VPS13B: variants seen among roughly 807,000 people sequenced by gnomAD.
The protein encoded by VPS13B is vacuolar protein sorting 13 homolog B.
In VPS13B, 285 loss-of-function variants were observed where a neutral mutation model predicts 426.4. The ratio of observed to expected loss-of-function variants is 0.67; its 90% CI spans 0.61 to 0.74. The LOEUF (loss-of-function observed/expected upper bound fraction) is 0.74, where lower values mean the gene tolerates loss of function less well. Ranked by LOEUF, VPS13B falls within the 30% of genes least tolerant of loss-of-function variation. The pLI, the probability that VPS13B is intolerant of heterozygous loss-of-function variation, is 0.00. For missense variants in VPS13B, 4,537 were observed against 4,782.6 expected, an observed-to-expected ratio of 0.95 and a Z score of 1.51; for synonymous variants, 1,676 against 1,676.4, an observed-to-expected ratio of 1.00 and a Z score of 0.01.
At chr8:99,583,816 G>A (rs1219027666) in intron 33 of VPS13B, among the ~76,000 whole-genome samples, 4 of 152,132 alleles carry the variant, frequency 2.6e-5, no homozygotes, top group Admixed American at 2.0e-4. Context: ...GGGGGTTTGA[G>A]AGAGGAAACT....
At chr8:99,798,387 T>A (rs981653526) in intron 43 of VPS13B, among the ~76,000 whole-genome samples, 2 of 152,254 alleles carry the variant, frequency 1.3e-5, no homozygotes, top group Middle Eastern at 3.4e-3. Context: ...ATTTTTTTCA[T>A]TTTCTGTTGG....
intron 3 of VPS13B, among the ~76,000 whole-genome samples, chr8:99,089,291 C>CT (rs771458999): frequency 6.6e-6 from 1 of 152,034 alleles, no homozygotes; most frequent in African/African-American, 2.4e-5. Flanking sequence ...CTGTTTGTCT[C>CT]TTTTTCATCC....
At chr8:99,677,742 T>A (rs955949504) in intron 35 of VPS13B, among the ~76,000 whole-genome samples, 1 of 151,968 alleles carries the variant, frequency 6.6e-6, no homozygotes, top group African/African-American at 2.4e-5. Context: ...TCATTTAGAT[T>A]TTTTTTTATT....
chr8:99,497,793 T>C (rs1473903771), intron 25 of VPS13B, among the ~76,000 whole-genome samples: 1 of 152,152 alleles, frequency 6.6e-6, no homozygotes, highest in Non-Finnish European at 1.5e-5. Flanking sequence ...TATATTTAGT[T>C]TGAATTTACT....
intron 19 of VPS13B, among the ~76,000 whole-genome samples, chr8:99,335,750 A>C (rs530423293): frequency 3.9e-5 from 6 of 152,256 alleles, no homozygotes; most frequent in Non-Finnish European, 8.8e-5. Flanking sequence ...ATCATGAGTG[A>C]ACTCCCACTC....
At position 99,391,585 on chromosome 8, in the gene VPS13B, T is replaced by C. The variant is rs1227587629; in HGVS notation, c.2963T>C (p.Met988Thr). Residue 988 changes from methionine to threonine, a missense_variant, in exon 21 of 62, where the codon ATG becomes ACG. Met to Thr is a moderately conservative substitution (Grantham distance 81). This residue lies in a region of VPS13B where 4,311 missense variants were observed against 4,474.3 expected (regional missense o/e 0.96). Coordinates refer to ENST00000357162, the MANE Select transcript of VPS13B (RefSeq NM_152564.5). ...QQPVVAVPLV[M>T]PVCRRKEDEV... The stretch of plus-strand genomic sequence containing the variant: ...CCTGTGGTAGCTGTTCCTCTTGTTA[T>C]GCCAGTTTGTAGAAGGAAAGAGGAT... 1.2e-6 allele frequency: 2 copies of C among 1,614,200 alleles called. No individual in the cohort carries two copies. The highest frequency in any genetic ancestry group is 2.2e-5 in the South Asian group (2 of 91,090).
intron 2 of VPS13B, among the ~76,000 whole-genome samples, chr8:99,028,642 C>G (rs1403627455): frequency 7.7e-6 from 1 of 129,832 alleles, no homozygotes; most frequent in Non-Finnish European, 1.7e-5. Context: ...ACCTCCCTCC[C>G]GGACGGGGTG....
intron 40 of VPS13B, 148 bp downstream of exon 40, chr8:99,767,118 A>G (rs1811264422): frequency 1.2e-6 from 1 of 823,372 alleles, no homozygotes; most frequent in Non-Finnish European, 2.0e-6. Flanking sequence ...ACAAAGAAAG[A>G]CAAAATCTGA....
chr8:99,133,154 C>T (rs1204584239), intron 8 of VPS13B, among the ~76,000 whole-genome samples: 2 of 152,168 alleles, frequency 1.3e-5, no homozygotes, highest in Non-Finnish European at 2.9e-5. Flanking sequence ...TAGCCACTTT[C>T]GTTAATTATC....
intron 19 of VPS13B, among the ~76,000 whole-genome samples, chr8:99,298,216 C>T (rs560994213): frequency 1.3e-5 from 2 of 152,282 alleles, no homozygotes; most frequent in South Asian, 4.1e-4. Flanking sequence ...CGGCCGGGTG[C>T]GGTGGCTTGC....
At chr8:99,735,332 T>C (rs1339751580) in intron 39 of VPS13B, among the ~76,000 whole-genome samples, 1 of 152,178 alleles carries the variant, frequency 6.6e-6, no homozygotes, top group Non-Finnish European at 1.5e-5. Flanking sequence ...AGTAGGGTTT[T>C]TGCAGATGTA....
intron 3 of VPS13B, among the ~76,000 whole-genome samples, chr8:99,045,661 G>GAAT (rs1242053551): frequency 1.3e-5 from 2 of 152,122 alleles, no homozygotes; most frequent in African/African-American, 4.8e-5. Context: ...TTATCTTCTA[G>GAAT]AATTTTTATA....
intron 59 of VPS13B, 26 bp from the exon 60 acceptor site, chr8:99,870,759 A>T (rs772420033): frequency 1.2e-6 from 2 of 1,610,708 alleles, no homozygotes; most frequent in Non-Finnish European, 1.7e-6. Flanking sequence ...ACAAGTAGTA[A>T]AACTCCCTTA....
intron 39 of VPS13B, among the ~76,000 whole-genome samples, chr8:99,746,121 C>T (rs890174236): frequency 6.6e-6 from 1 of 151,986 alleles, no homozygotes; most frequent in East Asian, 1.9e-4. Flanking sequence ...TGGATTGTGG[C>T]CCACTCTGTC....
intron 2 of VPS13B, among the ~76,000 whole-genome samples, chr8:99,037,008 G>C (rs1842775027): frequency 6.6e-6 from 1 of 152,030 alleles, no homozygotes; most frequent in African/African-American, 2.4e-5. Flanking sequence ...TGTAAAATGG[G>C]GATAATGCTA....
At chr8:99,794,058 G>T (rs991683911) in intron 43 of VPS13B, among the ~76,000 whole-genome samples, 1 of 152,206 alleles carries the variant, frequency 6.6e-6, no homozygotes, top group East Asian at 1.9e-4. Flanking sequence ...CCAGGTATTT[G>T]AGACTAGCCA....
chr8:99,423,423 A>ATTTTTTTT (rs202230044), intron 21 of VPS13B, among the ~76,000 whole-genome samples: 2 of 138,412 alleles, frequency 1.4e-5, no homozygotes, highest in African/African-American at 2.7e-5. Context: ...CATCTAGCTA[A>ATTTTTTTT]TTTTTTTTTT....
chr8:99,823,961 C>A lies in VPS13B; in HGVS notation c.9313C>A (p.Pro3105Thr), dbSNP rs748030120. The change falls in exon 51 of 62, where the codon CCC (proline) becomes ACC (threonine). Residue 3105 changes from proline (P) to threonine (T), a missense_variant. By Grantham distance (38) the Pro-to-Thr change is conservative. Around this residue, in one of 2 missense-constraint regions of VPS13B, gnomAD observed 4,311 missense variants for 4,474.3 expected, o/e 0.96. Transcript: ENST00000357162. ...TAAACCACAGCTATCTGTCTGCAAT[C>A]CCCATTCTGGAAAGGAGGTAAGCAA... ...FYKPQLSVCN[P>T]HSGKEYFRVP... 5.0e-5 allele frequency: 81 copies of A among 1,612,612 alleles called. No individual in the cohort carries two copies. The South Asian group carries it at 7.5e-4, about 15-fold the overall frequency.
At chr8:99,121,524 A>G (rs1403921323) in intron 8 of VPS13B, 79 bp downstream of exon 8, 1 of 1,579,160 alleles carries the variant, frequency 6.3e-7, no homozygotes, top group Non-Finnish European at 8.6e-7. Flanking sequence ...TTCTAGCTTT[A>G]TTCAAGTTTG....
Sources: allele counts gnomAD v4.1 joint callset (sites outside exome capture counted in the v4.1 genomes callset), GRCh38; gene constraint gnomAD v4.1.1; regional missense constraint gnomAD v4.1.1; transcripts MANE v1.5; gene names NCBI Gene and HGNC (gene_info 2026-07-23, HGNC 2026-07-21).